EFHC1: variants seen among roughly 807,000 people sequenced by gnomAD.
EFHC1 encodes EF-hand domain containing 1, also known as EF-hand domain-containing protein 1.
Under a neutral mutation model 69.9 loss-of-function variants are expected in EFHC1, and 53 were observed. The ratio of observed to expected loss-of-function variants is 0.76; its 90% CI spans 0.61 to 0.95. The LOEUF is 0.95. Among genes scored for constraint, EFHC1 ranks in the 40% least tolerant of loss-of-function variants. EFHC1 has a pLI of 0.00. For synonymous variants in EFHC1, 256 were observed against 278.4 expected (o/e 0.92, Z 0.80); for missense variants, 739 against 798.7 (o/e 0.93, Z 0.90).
chr6:52,455,653 CAA>C (rs201925030), intron 5 of EFHC1, among the ~76,000 whole-genome samples: 2 of 138,876 alleles, frequency 1.4e-5, no homozygotes. Flanking sequence ...GACTCCATCT[CAA>C]AAAAAAAAAG....
chr6:52,452,903 AG>A, intron 4 of EFHC1, 66 bp downstream of exon 4: 1 of 1,610,160 alleles, frequency 6.2e-7, no homozygotes, highest in Non-Finnish European at 8.5e-7. Flanking sequence ...TATTGGCAAA[AG>A]GTTTGGGTAG....
chr6:52,478,990 C>A, intron 7 of EFHC1, 47 bp from the exon 8 acceptor site: 1 of 1,582,492 alleles, frequency 6.3e-7, no homozygotes, highest in Non-Finnish European at 8.6e-7. Context: ...GGCACATCTG[C>A]ATAGACCATG....
intron 7 of EFHC1, among the ~76,000 whole-genome samples, chr6:52,473,733 G>A (rs1765487565): frequency 6.6e-6 from 1 of 152,064 alleles, no homozygotes; most frequent in African/African-American, 2.4e-5. Flanking sequence ...AGTGAGCCGA[G>A]ACTGAGCCAC....
chr6:52,440,931 C>G (rs1764649202), intron 3 of EFHC1, among the ~76,000 whole-genome samples: 1 of 151,902 alleles, frequency 6.6e-6, no homozygotes, highest in Admixed American at 6.6e-5. Flanking sequence ...ATGTGTATGT[C>G]TTCTTTTGAG....
At chr6:52,477,484 G>T (rs1319042332) in intron 7 of EFHC1, among the ~76,000 whole-genome samples, 1 of 152,060 alleles carries the variant, frequency 6.6e-6, no homozygotes, top group African/African-American at 2.4e-5. Context: ...CTTCCTTAGG[G>T]GTTGTGTGAT....
chr6:52,456,036 C>T (rs761238040), intron 5 of EFHC1, among the ~76,000 whole-genome samples: 2 of 151,972 alleles, frequency 1.3e-5, no homozygotes, highest in Non-Finnish European at 1.5e-5. Flanking sequence ...CACATTCAGT[C>T]ACATAGCTGC....
intron 2 of EFHC1, among the ~76,000 whole-genome samples, chr6:52,431,730 A>G (rs1050524571): frequency 2.6e-5 from 4 of 152,100 alleles, no homozygotes; most frequent in African/African-American, 9.7e-5. Context: ...GTTCCAGGGT[A>G]TAGTTTAAAT....
chr6:52,428,129 C>T (rs936498495), intron 2 of EFHC1: 10 of 152,236 alleles, frequency 6.6e-5, no homozygotes, highest in South Asian at 2.1e-4. Context: ...TTTCTTTCTA[C>T]GTAACAATCA....
intron 3 of EFHC1, among the ~76,000 whole-genome samples, chr6:52,440,090 A>C (rs56179208): frequency 6.6e-6 from 1 of 152,216 alleles, no homozygotes; most frequent in African/African-American, 2.4e-5. Flanking sequence ...CATTATTGAC[A>C]GTAATTAGGA....
chr6:52,421,072 T>C, intron 1 of EFHC1: 1 of 990,034 alleles, frequency 1.0e-6, no homozygotes, highest in Non-Finnish European at 1.2e-6. Flanking sequence ...CCGCCAGGTC[T>C]TTTTCCTTTC....
At chr6:52,458,443 TAAATC>T (rs1001519490) in intron 5 of EFHC1, among the ~76,000 whole-genome samples, 8 of 152,088 alleles carry the variant, frequency 5.3e-5, no homozygotes, top group East Asian at 1.9e-4. Context: ...ATAAGGAACT[TAAATC>T]AACAAGAAAA....
intron 7 of EFHC1, among the ~76,000 whole-genome samples, chr6:52,478,584 A>G (rs1765595225): frequency 6.6e-6 from 1 of 152,188 alleles, no homozygotes; most frequent in Non-Finnish European, 1.5e-5. Flanking sequence ...TAATCATCTT[A>G]GTGTTCATGA....
intron 2 of EFHC1, among the ~76,000 whole-genome samples, chr6:52,434,145 C>T (rs1240524577): frequency 6.6e-6 from 1 of 152,196 alleles, no homozygotes; most frequent in Admixed American, 6.5e-5. Flanking sequence ...CTTCTTCCCC[C>T]ACCTGTGGAA....
intron 3 of EFHC1, among the ~76,000 whole-genome samples, chr6:52,447,461 G>A (rs1282036540): frequency 6.6e-5 from 10 of 152,218 alleles, no homozygotes; most frequent in South Asian, 2.1e-4. Context: ...TTAGCCATTC[G>A]TCTAATCTTT....
At chr6:52,475,808 C>T (rs2114019717) in intron 7 of EFHC1, among the ~76,000 whole-genome samples, 1 of 152,266 alleles carries the variant, frequency 6.6e-6, no homozygotes, top group South Asian at 2.1e-4. Context: ...ACAAGATAGA[C>T]AAATATTTGC....
Position 52,456,863 on chromosome 6 carries a change from G to A in EFHC1, c.916+2576G>A, listed in dbSNP as rs535922826. Reference sequence around the variant, plus strand: ...CCAGGAGACAGAGGCTGCAGTGAGCGGAGATTGCGCCACTTCACTCCAGCC... The same window carrying A: ...CCAGGAGACAGAGGCTGCAGTGAGCAGAGATTGCGCCACTTCACTCCAGCC... On this transcript the variant is annotated intron_variant, in intron 5 of 10. Transcript: ENST00000371068. Among the ~76,000 whole-genome samples the A allele has an allele frequency of 7.3e-4, 111 of 152,178 alleles. 1 individual carries two copies. Among genetic ancestry groups the A allele is most frequent in the Middle Eastern group, 6.8e-3 (2 of 294 alleles).
At position 52,438,334 on chromosome 6, in the gene EFHC1, G is replaced by T; in HGVS notation, c.316G>T (p.Asp106Tyr). Residue 106 changes from aspartate to tyrosine, a missense_variant, in exon 3 of 11, where the codon GAT becomes TAT. Asp to Tyr is a radical substitution (Grantham distance 160, BLOSUM62 -3). Coordinates refer to ENST00000371068, the MANE Select transcript of EFHC1 (RefSeq NM_018100.4). The part of the protein sequence containing the change: ...VLKFDAYFQE[D>Y]VPMSTEEQYR... ...GAAATTTGATGCCTATTTCCAAGAA[G>T]ATGTTCCTATGTCAACTGAGGAACA... is the stretch of plus-strand genomic sequence containing the variant. 1 of 1,613,650 alleles carries T rather than the reference G, an allele frequency of 6.2e-7. No homozygotes were observed. The highest frequency in any genetic ancestry group is 8.5e-7 in the Non-Finnish European group (1 of 1,179,854).
At chr6:52,447,046 T>G (rs1363316037) in intron 3 of EFHC1, among the ~76,000 whole-genome samples, 1 of 152,164 alleles carries the variant, frequency 6.6e-6, no homozygotes, top group Non-Finnish European at 1.5e-5. Context: ...TGCCTTGGAG[T>G]TGCTCTTCTC....
chr6:52,424,693 G>A (rs1423181705), intron 2 of EFHC1, among the ~76,000 whole-genome samples: 1 of 152,132 alleles, frequency 6.6e-6, no homozygotes, highest in African/African-American at 2.4e-5. Flanking sequence ...TTATCTTTAT[G>A]TTTTTGCAAT....
Sources: gnomAD v4.1 joint callset for allele counts (sites outside exome capture counted in the v4.1 genomes callset) on GRCh38, gnomAD v4.1.1 for gene constraint, MANE v1.5 for transcripts, NCBI Gene and HGNC (gene_info 2026-07-23, HGNC 2026-07-21) for gene names.